The following OSBPL9 variants were observed in gnomAD, a reference collection of about 807,000 sequenced individuals.
OSBPL9 encodes the protein oxysterol binding protein like 9.
In OSBPL9, 40 loss-of-function variants were observed where a neutral mutation model predicts 106.6. The ratio of observed to expected loss-of-function variants is 0.38; its 90% CI spans 0.29 to 0.49. The LOEUF (loss-of-function observed/expected upper bound fraction) is 0.49, where lower values mean the gene tolerates loss of function less well. OSBPL9 is among the 20% of genes least tolerant of loss of function. OSBPL9 has a pLI of 0.97. For missense variants in OSBPL9, 609 were observed against 887.2 expected, an observed-to-expected ratio of 0.69 and a Z score of 3.98; for synonymous variants, 269 against 295.4, an observed-to-expected ratio of 0.91 and a Z score of 0.92.
At chr1:51,694,635 T>C (rs1281499788) in intron 3 of OSBPL9, among the ~76,000 whole-genome samples, 5 of 152,232 alleles carry the variant, frequency 3.3e-5, no homozygotes, top group Non-Finnish European at 7.4e-5. Context: ...TTATGCTTTG[T>C]ATGAGTTTGT....
At chr1:51,553,590 C>G in the OSBPL9 span, among the ~76,000 whole-genome samples, 1 of 152,056 alleles carries the variant, frequency 6.6e-6, no homozygotes, top group Non-Finnish European at 1.5e-5. Context: ...GATCAATGCA[C>G]TACAGCAGAT....
At chr1:51,522,287 C>A in the OSBPL9 span, among the ~76,000 whole-genome samples, 1 of 152,220 alleles carries the variant, frequency 6.6e-6, no homozygotes, top group South Asian at 2.1e-4. Flanking sequence ...GAATCAGATG[C>A]CCTAGCAAGG....
At chr1:51,519,396 C>T in the OSBPL9 span, 1 of 238,096 alleles carries the variant, frequency 4.2e-6, no homozygotes, top group South Asian at 1.6e-4. Context: ...CCGCCTGGCC[C>T]CGCCCGCCTG....
At chr1:51,739,438 G>GA (rs1191278910) in intron 4 of OSBPL9, among the ~76,000 whole-genome samples, 1 of 151,940 alleles carries the variant, frequency 6.6e-6, no homozygotes, top group Non-Finnish European at 1.5e-5. Context: ...TAGCATTACA[G>GA]AAAAAGACCT....
At chr1:51,525,331 G>A in the OSBPL9 span, among the ~76,000 whole-genome samples, 3,233 of 152,306 alleles carry the variant, frequency 0.021, 54 homozygotes, top group Non-Finnish European at 0.031. Context: ...GCCTGGTTCA[G>A]TATCTGTCAC....
At chr1:51,602,924 G>A (rs1301634291) in intron 2 of OSBPL9, among the ~76,000 whole-genome samples, 1 of 152,206 alleles carries the variant, frequency 6.6e-6, no homozygotes, top group Non-Finnish European at 1.5e-5. Context: ...GGGAGGCCAA[G>A]GCAGGAGGAT....
intron 1 of OSBPL9, 50 bp downstream of exon 1, chr1:51,617,271 G>A: frequency 6.5e-7 from 1 of 1,536,368 alleles, no homozygotes; most frequent in Non-Finnish European, 8.8e-7. Context: ...CGCGTTTCCT[G>A]GGTGGAGGTG....
intron 1 of OSBPL9, among the ~76,000 whole-genome samples, chr1:51,643,027 C>T (rs1645906156): frequency 6.6e-6 from 1 of 152,152 alleles, no homozygotes; most frequent in Non-Finnish European, 1.5e-5. Flanking sequence ...GTTTTAGCAG[C>T]TGGAAGAGCA....
chr1:51,608,315 C>T (rs538170056), intron 2 of OSBPL9, among the ~76,000 whole-genome samples: 32 of 152,182 alleles, frequency 2.1e-4, no homozygotes, highest in African/African-American at 5.8e-4. Context: ...TTTTTTGAGA[C>T]GGAGTCTCAC....
chr1:51,538,112 G>A, the OSBPL9 span, among the ~76,000 whole-genome samples: 2 of 152,006 alleles, frequency 1.3e-5, no homozygotes, highest in Non-Finnish European at 2.9e-5. Flanking sequence ...CCAACATGGC[G>A]AAACCCCATC....
intron 1 of OSBPL9, among the ~76,000 whole-genome samples, chr1:51,633,551 A>C (rs1321706846): frequency 6.6e-6 from 1 of 151,894 alleles, no homozygotes; most frequent in Non-Finnish European, 1.5e-5. Context: ...TGTTCCTGCC[A>C]GTCCACTCCA....
At chr1:51,731,462 CA>C (rs1387282988) in intron 4 of OSBPL9, among the ~76,000 whole-genome samples, 30 of 151,670 alleles carry the variant, frequency 2.0e-4, no homozygotes, top group Non-Finnish European at 1.5e-5. Context: ...CAAAGCAAAA[CA>C]AAACAAAACA....
chr1:51,785,725 C>T, intron 20 of OSBPL9, 83 bp from the exon 21 acceptor site: 1 of 1,189,770 alleles, frequency 8.4e-7, no homozygotes. Flanking sequence ...CTGTGCTCTA[C>T]TCTGTAGTTG....
intron 3 of OSBPL9, among the ~76,000 whole-genome samples, chr1:51,690,240 G>T (rs1055917591): frequency 6.6e-6 from 1 of 152,154 alleles, no homozygotes; most frequent in East Asian, 1.9e-4. Context: ...CCATTGACTA[G>T]TAATAATTTA....
chr1:51,785,728 T>C (rs963276332), intron 20 of OSBPL9, 80 bp from the exon 21 acceptor site: 95 of 1,210,502 alleles, frequency 7.8e-5, no homozygotes, highest in Non-Finnish European at 1.1e-4. Flanking sequence ...TGCTCTACTC[T>C]GTAGTTGGGC....
intron 1 of OSBPL9, among the ~76,000 whole-genome samples, chr1:51,635,476 C>T (rs1296870644): frequency 6.6e-6 from 1 of 152,118 alleles, no homozygotes; most frequent in South Asian, 2.1e-4. Flanking sequence ...GAGTTATTCT[C>T]GTGTCTGCAG....
At position 51,745,275 on chromosome 1, in the gene OSBPL9, A is replaced by G. The variant is rs192502426; in HGVS notation, c.319-261A>G. On this transcript the variant is annotated intron_variant, in intron 4 of 23. Coordinates refer to ENST00000428468, the MANE Select transcript of OSBPL9 (RefSeq NM_024586.6). Reference sequence around the variant, plus strand: ...AGGGTTTGGGGGAGATAAGAAAGTGATTCTGGAGAGAAGAGTAAATCCAAT... The same window carrying G: ...AGGGTTTGGGGGAGATAAGAAAGTGGTTCTGGAGAGAAGAGTAAATCCAAT... 134 of 368,450 alleles carry G rather than the reference A, an allele frequency of 3.6e-4. 1 individual carries two copies. Among genetic ancestry groups the G allele is most frequent in the African/African-American group, 2.7e-3 (125 of 46,116 alleles). 22.8% of individuals were successfully genotyped at this position (368,450 alleles called of 1,614,324 possible).
At chr1:51,546,562 T>C in the OSBPL9 span, among the ~76,000 whole-genome samples, 1 of 151,648 alleles carries the variant, frequency 6.6e-6, no homozygotes, top group Non-Finnish European at 1.5e-5. Flanking sequence ...CTAGGCATGA[T>C]GAAGGGCACC....
At chr1:51,589,822 A>G (rs955960289) in intron 1 of OSBPL9, among the ~76,000 whole-genome samples, 7 of 151,682 alleles carry the variant, frequency 4.6e-5, no homozygotes, top group Non-Finnish European at 1.0e-4. Context: ...TCGCGAGGTC[A>G]GGCATTCAAG....
Sources: allele counts gnomAD v4.1 joint callset (sites outside exome capture counted in the v4.1 genomes callset), GRCh38; gene constraint gnomAD v4.1.1; transcripts MANE v1.5; gene names NCBI Gene and HGNC (gene_info 2026-07-23, HGNC 2026-07-21).